The following TOX3 variants were observed in gnomAD, a reference collection of about 807,000 sequenced individuals.
TOX3 encodes CAG trinucleotide repeat-containing gene F9 protein.
A neutral mutation model predicts 64.3 loss-of-function variants in TOX3; 22 were observed. The ratio of observed to expected loss-of-function variants is 0.34; its 90% CI spans 0.24 to 0.49. The LOEUF (loss-of-function observed/expected upper bound fraction) is 0.49. TOX3 is among the 20% of genes least tolerant of loss of function. The probability of loss-of-function intolerance (pLI) is 0.99; values close to 1 mark genes in which losing one functional copy is unlikely to be tolerated. For missense variants in TOX3, 661 were observed against 714.4 expected, an observed-to-expected ratio of 0.93 and a Z score of 0.85; for synonymous variants, 291 against 273.6, an observed-to-expected ratio of 1.06 and a Z score of -0.63.
intron 1 of TOX3, among the ~76,000 whole-genome samples, chr16:52,484,262 A>G (rs979916272): frequency 1.3e-5 from 2 of 152,190 alleles, no homozygotes; most frequent in African/African-American, 4.8e-5. Context: ...AAATTTGTCA[A>G]TTTAATTTTA....
intron 1 of TOX3, chr16:52,519,418 A>G: frequency 1.3e-6 from 2 of 1,551,536 alleles, no homozygotes; most frequent in South Asian, 1.2e-5. Flanking sequence ...TCAGATAGGT[A>G]GTTATCAGGT....
intron 3 of TOX3, among the ~76,000 whole-genome samples, chr16:52,463,491 CTCAGTTTGGTATT>C (rs1960757189): frequency 6.6e-6 from 1 of 152,042 alleles, no homozygotes; most frequent in African/African-American, 2.4e-5. Context: ...TTTTTGGTAT[CTCAGTTTGGTATT>C]TCATTTGCAA....
chr16:52,454,858 G>A lies in TOX3; in HGVS notation c.409-4312C>T, dbSNP rs978966271. On this transcript the variant is annotated intron_variant, in intron 3 of 6. Coordinates refer to ENST00000219746, the MANE Select transcript of TOX3 (RefSeq NM_001080430.4). ...AACAAATTTACTACAACATAATGTA[G>A]GCCAGAATAATTTTTATATACTCCC... Among the ~76,000 whole-genome samples, 85 of 152,092 alleles carry A rather than the reference G, an allele frequency of 5.6e-4. 2 individuals are homozygous for A. The highest frequency in any genetic ancestry group is 1.2e-4 in the Non-Finnish European group (8 of 68,024).
In TOX3 at chr16:52,546,750, C is replaced by T. The variant is rs763708222; in HGVS notation, c.-27G>A. Reference sequence around the variant, plus strand: ...CCGAAGCTGGGCCCGGGGCCGGGGGCCGGGACTGGGGTTCGCCGGGGCCGG... The same window carrying T: ...CCGAAGCTGGGCCCGGGGCCGGGGGTCGGGACTGGGGTTCGCCGGGGCCGG... On this transcript the variant is annotated 5_prime_UTR_variant, in exon 1 of 7. Coordinates refer to ENST00000219746, the MANE Select transcript of TOX3 (RefSeq NM_001080430.4). 11 of 1,497,094 alleles carry T rather than the reference C, an allele frequency of 7.3e-6. No individual in the cohort carries two copies. The South Asian group carries it at 1.0e-4, about 14-fold the overall frequency. The allele number at this position is 1,497,094 out of a possible 1,614,324, so 92.7% of individuals were successfully genotyped here.
chr16:52,541,591 A>G (rs1481616954), intron 1 of TOX3, among the ~76,000 whole-genome samples: 4 of 152,160 alleles, frequency 2.6e-5, no homozygotes, highest in African/African-American at 4.8e-5. Flanking sequence ...CTTTTTTAAT[A>G]CTCTGCAGAT....
intron 1 of TOX3, among the ~76,000 whole-genome samples, chr16:52,506,352 G>T (rs1453290160): frequency 1.3e-5 from 2 of 152,306 alleles, no homozygotes; most frequent in Admixed American, 1.3e-4. Context: ...CCAAGGTGAA[G>T]AAAGAGGATA....
At chr16:52,446,530 A>AC (rs1960169748) in intron 4 of TOX3, among the ~76,000 whole-genome samples, 1 of 152,340 alleles carries the variant, frequency 6.6e-6, no homozygotes, top group African/African-American at 2.4e-5. Context: ...ATGCTATACT[A>AC]CACATACATA....
chr16:52,529,550 G>A (rs962480186), intron 1 of TOX3, among the ~76,000 whole-genome samples: 1 of 152,158 alleles, frequency 6.6e-6, no homozygotes, highest in Non-Finnish European at 1.5e-5. Flanking sequence ...GTGAATCAAA[G>A]CAAGGAAAAA....
chr16:52,469,049 A>G (rs978093455), intron 1 of TOX3, among the ~76,000 whole-genome samples: 2 of 152,356 alleles, frequency 1.3e-5, no homozygotes. Context: ...TCTATTTTCT[A>G]GTGAATGGGG....
At chr16:52,461,670 G>A (rs1960695803) in intron 3 of TOX3, among the ~76,000 whole-genome samples, 1 of 152,074 alleles carries the variant, frequency 6.6e-6, no homozygotes, top group Non-Finnish European at 1.5e-5. Context: ...TATTCATTTG[G>A]ATAATAAAAC....
intron 1 of TOX3, among the ~76,000 whole-genome samples, chr16:52,522,973 G>T (rs1479374850): frequency 6.6e-6 from 1 of 152,208 alleles, no homozygotes; most frequent in Admixed American, 6.5e-5. Context: ...GAACAAAAGA[G>T]ACAGAAATCT....
intron 1 of TOX3, among the ~76,000 whole-genome samples, chr16:52,541,364 TC>T (rs1433812543): frequency 6.6e-6 from 1 of 152,136 alleles, no homozygotes; most frequent in Non-Finnish European, 1.5e-5. Context: ...ATCAAAATCT[TC>T]AAACTTGAAG....
chr16:52,536,384 G>C (rs910953019), intron 1 of TOX3, among the ~76,000 whole-genome samples: 1 of 151,596 alleles, frequency 6.6e-6, no homozygotes, highest in African/African-American at 2.4e-5. Flanking sequence ...GGCCAGCCAA[G>C]TGAAGACATT....
chr16:52,463,520 A>G (rs905221069), intron 3 of TOX3, among the ~76,000 whole-genome samples: 6 of 152,222 alleles, frequency 3.9e-5, no homozygotes, highest in Non-Finnish European at 7.3e-5. Flanking sequence ...TGCAATAAGA[A>G]TAAATCGTGT....
At chr16:52,511,364 C>T (rs1333655174) in intron 1 of TOX3, among the ~76,000 whole-genome samples, 3 of 151,996 alleles carry the variant, frequency 2.0e-5, no homozygotes, top group Non-Finnish European at 4.4e-5. Context: ...TGGTGGCAAG[C>T]GCCTGTAATC....
intron 1 of TOX3, among the ~76,000 whole-genome samples, chr16:52,536,695 C>G (rs1200116907): frequency 1.4e-5 from 1 of 71,516 alleles, no homozygotes; most frequent in Non-Finnish European, 2.8e-5. Context: ...ATATATAGAA[C>G]AAGATATATT....
In TOX3 at chr16:52,541,913, A is replaced by C. The variant is rs185457088; in HGVS notation, c.87+4724T>G. Reference sequence around the variant, plus strand: ...GCAAGCTTCTCATGGGCCCACAACAATGTTTAAAATGTGAGAAAAAAATAA... The same window carrying C: ...GCAAGCTTCTCATGGGCCCACAACACTGTTTAAAATGTGAGAAAAAAATAA... On this transcript the variant is annotated intron_variant, in intron 1 of 6. Coordinates refer to ENST00000219746, the MANE Select transcript of TOX3 (RefSeq NM_001080430.4). Among the ~76,000 whole-genome samples, 327 of 152,322 alleles carry C rather than the reference A, an allele frequency of 2.1e-3. 1 individual carries two copies. The highest frequency in any genetic ancestry group is 7.4e-3 in the African/African-American group (306 of 41,564).
In TOX3 at chr16:52,450,554, G is replaced by T. The variant is rs142329828; in HGVS notation, c.409-8C>A. ...TTGTGTGTGGCTCTGATCCTAGAAA[G>T]GCAGCAACAAAGGGGGAAAATATTT... On this transcript the variant is annotated splice_polypyrimidine_tract_variant and splice_region_variant and intron_variant, in intron 3 of 6. Coordinates refer to ENST00000219746, the MANE Select transcript of TOX3 (RefSeq NM_001080430.4). 1,740 of 1,613,430 alleles carry T rather than the reference G, an allele frequency of 1.1e-3. 2 individuals are homozygous for T. Among genetic ancestry groups the T allele is most frequent in the Non-Finnish European group, 1.4e-3 (1,660 of 1,179,440 alleles).
In TOX3 at chr16:52,530,462, G is replaced by A. The variant is rs1043268213; in HGVS notation, c.87+16175C>T. On this transcript the variant is annotated intron_variant, in intron 1 of 6. Coordinates refer to ENST00000219746, the MANE Select transcript of TOX3 (RefSeq NM_001080430.4). The stretch of plus-strand genomic sequence containing the variant: ...AGCAATTCTCCGGCCTCAATCTCCC[G>A]AGTAGCTGGGATTACAGGTGCCTGC... Among the ~76,000 whole-genome samples the A allele has an allele frequency of 1.2e-4, 18 of 151,790 alleles. 1 individual carries two copies. The East Asian group carries it at 2.5e-3, about 21-fold the overall frequency.
Sources: gnomAD v4.1 joint callset for allele counts (sites outside exome capture counted in the v4.1 genomes callset) on GRCh38, gnomAD v4.1.1 for gene constraint, MANE v1.5 for transcripts, NCBI Gene and HGNC (gene_info 2026-07-23, HGNC 2026-07-21) for gene names.